The following CLCN5 variants were observed in gnomAD, a reference collection of about 807,000 sequenced individuals.
CLCN5 encodes the protein Cl-/H+ antiporter 5.
Under a neutral mutation model 54.0 loss-of-function variants are expected in CLCN5, and 17 were observed. That is an observed-to-expected ratio of 0.31 (90% CI 0.22 to 0.47). The LOEUF (loss-of-function observed/expected upper bound fraction) is 0.47, where lower values mean the gene tolerates loss of function less well. CLCN5 is among the 20% of genes least tolerant of loss of function. CLCN5 has a pLI of 1.00. For missense variants in CLCN5, 448 were observed against 646.7 expected, an observed-to-expected ratio of 0.69 and a Z score of 3.33; for synonymous variants, 222 against 233.0, an observed-to-expected ratio of 0.95 and a Z score of 0.43.
Position 50,031,940 on chromosome X carries a change from A to G in CLCN5, c.17-10376A>G, listed in dbSNP as rs782318597. ...TGTGTCCATGTGTTCTCATTGTTCA[A>G]TTCCCACCTATGAGTGAGAATGTGT... On this transcript the variant is annotated intron_variant, in intron 3 of 14. Coordinates refer to ENST00000376091, the MANE Select transcript of CLCN5 (RefSeq NM_001127898.4). Among the ~76,000 whole-genome samples, 7 of 92,355 alleles carry G rather than the reference A, an allele frequency of 7.6e-5. No individual in the cohort carries two copies. In the South Asian group the frequency reaches 2.4e-3, roughly 32 times the overall value. 80.2% of individuals were successfully genotyped at this position (92,355 alleles called of 115,157 possible).
rs190905533 is a variant in CLCN5, at chrX:49,957,064, C to T, written c.16+31750C>T. ...CTGTAATCCCAGCACTTTGGGAGGC[C>T]GAGGCGGGTGGATCACTTGAGGTCA... is the stretch of plus-strand genomic sequence containing the variant. On this transcript the variant is annotated intron_variant, in intron 3 of 14. Transcript: ENST00000376091. Among the ~76,000 whole-genome samples, 107 of 111,608 alleles carry T rather than the reference C, an allele frequency of 9.6e-4. 1 individual carries two copies. The highest frequency in any genetic ancestry group is 3.3e-3 in the African/African-American group (100 of 30,731).
intron 3 of CLCN5, among the ~76,000 whole-genome samples, chrX:49,926,211 A>AAC (rs1925332728): frequency 1.8e-5 from 2 of 112,546 alleles, no homozygotes; most frequent in South Asian, 7.3e-4. Flanking sequence ...ACACAAATGT[A>AAC]ACAAGTAGTT....
intron 12 of CLCN5, among the ~76,000 whole-genome samples, chrX:50,089,549 T>C (rs1934012999): frequency 8.9e-6 from 1 of 111,869 alleles, no homozygotes; most frequent in South Asian, 3.8e-4. Flanking sequence ...ATTTTCTAAT[T>C]AGGGAAAAGA....
At chrX:50,081,005 C>A (rs914968330) in intron 8 of CLCN5, among the ~76,000 whole-genome samples, 1 of 111,488 alleles carries the variant, frequency 9.0e-6, no homozygotes, top group African/African-American at 3.3e-5. Context: ...AAGATTCTGA[C>A]CTGAAAAAGC....
rs1557195225 is a variant in CLCN5, at chrX:50,094,150, C to T, written c.*1931C>T. ...CTGAAATTCTTTTTTTTGCTCAGAA[C>T]TGGGTAGCCAAGGGTTATTTTATTT... On this transcript the variant is annotated 3_prime_UTR_variant, in exon 15 of 15. Coordinates refer to ENST00000376091, the MANE Select transcript of CLCN5 (RefSeq NM_001127898.4). 8.9e-6 allele frequency: 1 copy of T among 111,881 alleles called. No homozygotes were observed. The highest frequency in any genetic ancestry group is 3.2e-5 in the African/African-American group (1 of 30,809). 9.2% of individuals were successfully genotyped at this position (111,881 alleles called of 1,213,427 possible). A position where few individuals can be genotyped will look rare whatever the true frequency, so the allele number is the denominator to read the frequency against.
At chrX:49,966,612 A>ATTTTTTTTT in intron 3 of CLCN5, among the ~76,000 whole-genome samples, 1 of 19,092 alleles carries the variant, frequency 5.2e-5, no homozygotes, top group African/African-American at 4.3e-4. Flanking sequence ...TTTTTTTTTT[A>ATTTTTTTTT]TTTTTTTATT....
At chrX:50,045,569 CTA>C (rs1342968217) in intron 4 of CLCN5, among the ~76,000 whole-genome samples, 4 of 112,441 alleles carry the variant, frequency 3.6e-5, no homozygotes, top group South Asian at 7.3e-4. Context: ...GGGCAAGTGA[CTA>C]TGTATTATTC....
At chrX:49,961,549 C>G (rs1927597434) in intron 3 of CLCN5, among the ~76,000 whole-genome samples, 1 of 111,730 alleles carries the variant, frequency 9.0e-6, no homozygotes. Context: ...CTATTGCCTT[C>G]TATAATCGAG....
chrX:49,931,729 A>G (rs931745030), intron 3 of CLCN5, among the ~76,000 whole-genome samples: 6 of 109,424 alleles, frequency 5.5e-5, no homozygotes, highest in African/African-American at 2.0e-4. Context: ...CTACTAAAAG[A>G]AAACTTTTTT....
intron 6 of CLCN5, among the ~76,000 whole-genome samples, chrX:50,075,107 A>G (rs193001565): frequency 2.9e-4 from 32 of 111,828 alleles, no homozygotes; most frequent in Non-Finnish European, 5.3e-4. Flanking sequence ...CAGGATGTTC[A>G]TGTCCTAGGT....
At chrX:50,017,768 C>G (rs1043976528) in intron 3 of CLCN5, among the ~76,000 whole-genome samples, 1 of 110,905 alleles carries the variant, frequency 9.0e-6, no homozygotes, top group Non-Finnish European at 1.9e-5. Flanking sequence ...TGCCTTTGCT[C>G]ATTTGTCAAA....
At chrX:49,941,102 G>A (rs1557170816) in intron 3 of CLCN5, among the ~76,000 whole-genome samples, 1 of 111,319 alleles carries the variant, frequency 9.0e-6, no homozygotes, top group African/African-American at 3.3e-5. Flanking sequence ...CAAGGCGGGT[G>A]ATCACTTGAG....
At chrX:50,078,124 C>T (rs782400933) in intron 7 of CLCN5, among the ~76,000 whole-genome samples, 15 of 110,130 alleles carry the variant, frequency 1.4e-4, no homozygotes, top group Non-Finnish European at 2.1e-4. Context: ...GAGGATCCCT[C>T]GGGGCCAGGA....
rs1262191387 is a variant in CLCN5, at chrX:50,095,709, C to T, written c.*3490C>T. On this transcript the variant is annotated 3_prime_UTR_variant, in exon 15 of 15. Coordinates refer to ENST00000376091, the MANE Select transcript of CLCN5 (RefSeq NM_001127898.4). ...AACCAGGGTTTAGTGAGATCTAAGG[C>T]CGTGAAGTAATTCACAACCAAGATC... 8.9e-6 allele frequency: 1 copy of T among 112,381 alleles called. No homozygotes were observed. Among genetic ancestry groups the T allele is most frequent in the Non-Finnish European group, 1.9e-5 (1 of 53,313 alleles). The allele number at this position is 112,381 out of a possible 1,213,427, so 9.3% of individuals were successfully genotyped here. A position where few individuals can be genotyped will look rare whatever the true frequency, so the allele number is the denominator to read the frequency against.
At chrX:50,041,203 C>A (rs1003351240) in intron 3 of CLCN5, among the ~76,000 whole-genome samples, 2 of 111,347 alleles carry the variant, frequency 1.8e-5, no homozygotes, top group African/African-American at 3.3e-5. Flanking sequence ...TTAGTTCTGA[C>A]AACCTAGGAA....
chrX:49,936,953 C>T (rs1429160654), intron 3 of CLCN5, among the ~76,000 whole-genome samples: 1 of 111,143 alleles, frequency 9.0e-6, no homozygotes, highest in Non-Finnish European at 1.9e-5. Flanking sequence ...GTAGCCTGGA[C>T]GTGGTGGTTC....
chrX:50,081,924 G>A, intron 9 of CLCN5, 77 bp downstream of exon 9: 1 of 919,649 alleles, frequency 1.1e-6, no homozygotes. Context: ...GAGAATTTGA[G>A]AGTTCTACCA....
chrX:50,088,346 T>C lies in CLCN5; in HGVS notation c.1558-352T>C, dbSNP rs1933966590. 5.2e-5 allele frequency: 12 copies of C among 228,909 alleles called. No homozygotes were observed. The South Asian group carries it at 8.1e-4, about 15-fold the overall frequency. The allele number at this position is 228,909 out of a possible 1,213,427, so 18.9% of individuals were successfully genotyped here. A position where few individuals can be genotyped will look rare whatever the true frequency, so the allele number is the denominator to read the frequency against. ...AAAGGGTAGTCATTGTTGATAAGAA[T>C]TCAAAATTGGTGGAAATGTCTGCAT... On this transcript the variant is annotated intron_variant, in intron 11 of 14. Transcript: ENST00000376091.
At chrX:49,970,210 A>T (rs1403583088) in intron 3 of CLCN5, among the ~76,000 whole-genome samples, 1 of 111,583 alleles carries the variant, frequency 9.0e-6, no homozygotes, top group Non-Finnish European at 1.9e-5. Flanking sequence ...TAGTCTACAA[A>T]TTTCTGCTAT....
Sources: gnomAD v4.1 joint callset for allele counts (sites outside exome capture counted in the v4.1 genomes callset) on GRCh38, gnomAD v4.1.1 for gene constraint, MANE v1.5 for transcripts, NCBI Gene and HGNC (gene_info 2026-07-23, HGNC 2026-07-21) for gene names.